GBP6: variants seen among roughly 807,000 people sequenced by gnomAD.
The protein encoded by GBP6 is guanylate-binding protein 6.
Under a neutral mutation model 61.5 loss-of-function variants are expected in GBP6, and 54 were observed. The observed-to-expected ratio is 0.88, with a 90% confidence interval of 0.71 to 1.10. The LOEUF (loss-of-function observed/expected upper bound fraction) is 1.10. Ranked by LOEUF, GBP6 falls within the 50% of genes least tolerant of loss-of-function variation. The pLI is 0.00. For synonymous variants in GBP6, 255 were observed against 273.7 expected (o/e 0.93, Z 0.67); for missense variants, 748 against 752.8 (o/e 0.99, Z 0.07).
Position 89,381,901 on chromosome 1 carries a change from A to G in GBP6, c.1079A>G (p.Glu360Gly). Reference protein sequence around the residue: ...QELLDMHAACEREAIAIFMEH... With the variant: ...QELLDMHAACGREAIAIFMEH... ...CTGCTGGACATGCATGCGGCCTGTG[A>G]GAGGGAAGCCATTGCAATCTTCATG... Residue 360 changes from glutamate (E) to glycine (G), a missense_variant, in exon 7 of 11, where the codon GAG (glutamate) becomes GGG (glycine). Glu to Gly is a moderately conservative substitution (Grantham distance 98). Transcript: ENST00000370456. The G allele has an allele frequency of 1.2e-6, 2 of 1,614,156 alleles. No homozygotes were observed. Among genetic ancestry groups the G allele is most frequent in the Non-Finnish European group, 1.7e-6 (2 of 1,180,000 alleles).
rs1653128272 is a variant in GBP6 at position 89,385,847 on chromosome 1, T to C, written c.*378T>C. On this transcript the variant is annotated 3_prime_UTR_variant, in exon 11 of 11. Coordinates refer to ENST00000370456, the MANE Select transcript of GBP6 (RefSeq NM_198460.3). ...CATGCCCAGCCCTCATTTAGCAAAG[T>C]TTTAAACATAAAAAGTGCTTATTAG... is the stretch of plus-strand genomic sequence containing the variant. 6.0e-6 allele frequency: 1 copy of C among 167,442 alleles called. No homozygotes were observed. Among genetic ancestry groups the C allele is most frequent in the Non-Finnish European group, 1.3e-5 (1 of 77,362 alleles). The allele number at this position is 167,442 out of a possible 1,614,324, so 10.4% of individuals were successfully genotyped here.
rs749404900 is a variant in GBP6 at position 89,385,438 on chromosome 1, C to A, written c.1871C>A (p.Ser624Ter). The change falls in exon 11 of 11, where the codon TCA (serine) becomes TAA (stop). Residue 624 changes from serine to a stop codon, truncating the protein, a stop_gained. Transcript: ENST00000370456. LOFTEE classifies it low-confidence loss of function (END_TRUNC). ...GGTCATGGTGTCAAAGGTGTGAGCT[C>A]ACTCTTTAAAAAGCATAAGCTCCCC... ...LIGHGVKGVS[S>*]LFKKHKLPF is the part of the protein sequence containing the mutation. The A allele has an allele frequency of 6.2e-7, 1 of 1,613,870 alleles. No individual in the cohort carries two copies. Among genetic ancestry groups the A allele is most frequent in the South Asian group, 1.1e-5 (1 of 91,056 alleles).
rs1430178183 is a variant in GBP6, at chr1:89,386,547, A to G, written c.*1078A>G. 6.6e-6 allele frequency: 1 copy of G among 152,194 alleles called. No homozygotes were observed. Among genetic ancestry groups the G allele is most frequent in the African/African-American group, 2.4e-5 (1 of 41,444 alleles). The allele number at this position is 152,194 out of a possible 1,614,324, so 9.4% of individuals were successfully genotyped here. ...GACTAAGATCTGAGTACTAGAATGC[A>G]AAAAATTTGCATCATATTCTTGTTT... On this transcript the variant is annotated 3_prime_UTR_variant, in exon 11 of 11. Coordinates refer to ENST00000370456, the MANE Select transcript of GBP6 (RefSeq NM_198460.3).
At chr1:89,367,759 C>T (rs1652504626) in intron 1 of GBP6, among the ~76,000 whole-genome samples, 1 of 152,072 alleles carries the variant, frequency 6.6e-6, no homozygotes, top group Admixed American at 6.5e-5. Context: ...GTAGGCAGAA[C>T]AGAAACCAGA....
chr1:89,381,595 C>G, intron 6 of GBP6, 99 bp from the exon 7 acceptor site: 1 of 1,189,700 alleles, frequency 8.4e-7, no homozygotes, highest in South Asian at 1.5e-5. Context: ...TGTGTGCACG[C>G]GCGTGTATGT....
chr1:89,385,321 CA>C lies in GBP6; in HGVS notation c.1760del (p.Asn587MetfsTer18), dbSNP rs1557544730. 2 of 1,613,994 alleles carry C rather than the reference CA, an allele frequency of 1.2e-6. No homozygotes were observed. Among genetic ancestry groups the C allele is most frequent in the East Asian group, 2.2e-5 (1 of 44,874 alleles). On this transcript the variant is annotated frameshift_variant, in exon 11 of 11. Coordinates refer to ENST00000370456, the MANE Select transcript of GBP6 (RefSeq NM_198460.3). LOFTEE classifies it low-confidence loss of function (END_TRUNC). ...ISQFKRMIDT[T>X]KNDDTPWIAR... ...CAATTTAAACGTATGATTGATACTA[CA>C]AAAAATGATGATACTCCCTGGATTG...
intron 2 of GBP6, 75 bp from the exon 3 acceptor site, chr1:89,369,471 A>G: frequency 2.6e-6 from 4 of 1,517,272 alleles, no homozygotes; most frequent in Non-Finnish European, 3.5e-6. Flanking sequence ...CAATCCAACC[A>G]GTCTGATGCT....
chr1:89,385,179 A>G, intron 10 of GBP6, 51 bp from the exon 11 acceptor site: 1 of 1,523,506 alleles, frequency 6.6e-7, no homozygotes, highest in African/African-American at 1.4e-5. Flanking sequence ...TGTAAGTCTT[A>G]AAAGAATAGG....
At chr1:89,369,241 A>C (rs1652551587) in intron 2 of GBP6, among the ~76,000 whole-genome samples, 1 of 150,876 alleles carries the variant, frequency 6.6e-6, no homozygotes, top group Non-Finnish European at 1.5e-5. Context: ...TCTTCAACCC[A>C]CTCTTCTCTG....
chr1:89,387,425 A>G lies in GBP6; in HGVS notation c.*1956A>G, dbSNP rs888203139. Among the ~76,000 whole-genome samples the G allele has an allele frequency of 6.6e-6, 1 of 152,188 alleles. No homozygotes were observed. Among genetic ancestry groups the G allele is most frequent in the Non-Finnish European group, 1.5e-5 (1 of 68,026 alleles). ...TAGTATTTGTTTGAAATGTAAAGGT[A>G]AAGTTTGTTTGAAGACAGATACCTT... On this transcript the variant is annotated 3_prime_UTR_variant, in exon 11 of 11. Transcript: ENST00000370456.
At position 89,381,823 on chromosome 1, in the gene GBP6, A is replaced by G; in HGVS notation, c.1001A>G (p.Tyr334Cys). The G allele has an allele frequency of 6.2e-7, 1 of 1,614,110 alleles. No homozygotes were observed. Among genetic ancestry groups the G allele is most frequent in the Non-Finnish European group, 8.5e-7 (1 of 1,179,990 alleles). ...SAAVQRAADYYSQQMAQRVKL... is the reference protein window; with the variant it reads ...SAAVQRAADYCSQQMAQRVKL... The stretch of plus-strand genomic sequence containing the variant: ...GCCGTGCAGAGGGCAGCTGACTACT[A>G]CAGCCAGCAGATGGCCCAGCGAGTG... The change falls in exon 7 of 11, where the codon TAC becomes TGC. Residue 334 changes from tyrosine to cysteine, a missense_variant. Coordinates refer to ENST00000370456, the MANE Select transcript of GBP6 (RefSeq NM_198460.3).
Position 89,378,574 on chromosome 1 carries a change from G to A in GBP6, c.586G>A (p.Glu196Lys). Residue 196 changes from glutamate (E) to lysine (K), a missense_variant, in exon 5 of 11, where the codon GAA becomes AAA. Glu to Lys is a moderately conservative substitution (Grantham distance 56). Transcript: ENST00000370456. ...GAAGTTGAACGGTCACCCTATCACAGAAGATGAATACCTGGAGAATGCCTT... is the reference window on the plus strand; with the variant it reads ...GAAGTTGAACGGTCACCCTATCACAAAAGATGAATACCTGGAGAATGCCTT... Reference protein sequence around the residue: ...ELKLNGHPITEDEYLENALKL... With the variant: ...ELKLNGHPITKDEYLENALKL... The A allele has an allele frequency of 6.2e-7, 1 of 1,613,662 alleles. No homozygotes were observed. Among genetic ancestry groups the A allele is most frequent in the South Asian group, 1.1e-5 (1 of 90,962 alleles).
intron 10 of GBP6, 87 bp from the exon 11 acceptor site, chr1:89,385,143 G>A (rs536014899): frequency 8.1e-7 from 1 of 1,236,596 alleles, no homozygotes; most frequent in East Asian, 2.4e-5. Flanking sequence ...GTAAAATAAA[G>A]TTTCACACAG....
At chr1:89,370,813 A>G (rs1378367120) in intron 3 of GBP6, among the ~76,000 whole-genome samples, 1 of 152,086 alleles carries the variant, frequency 6.6e-6, no homozygotes, top group African/African-American at 2.4e-5. Flanking sequence ...TCTTTTTTCT[A>G]TGCTCTCTTT....
At position 89,385,284 on chromosome 1, in the gene GBP6, G is replaced by A. The variant is rs76159539; in HGVS notation, c.1717G>A (p.Ala573Thr). 5,670 of 1,613,732 alleles carry A rather than the reference G, an allele frequency of 3.5e-3. 184 individuals carry two copies. In the African/African-American group the frequency reaches 0.066, roughly 19 times the overall value. Residue 573 changes from alanine to threonine, a missense_variant, in exon 11 of 11, where the codon GCA (alanine) becomes ACA (threonine). Transcript: ENST00000370456. ...TAAGAAGAAGTATGAGGAGATGAAT[G>A]CAGAGATAAGTCAATTTAAACGTAT... ...GFKKKYEEMN[A>T]EISQFKRMID...
At position 89,387,703 on chromosome 1, in the gene GBP6, C is replaced by A. The variant is rs568340203; in HGVS notation, c.*2234C>A. Among the ~76,000 whole-genome samples the A allele has an allele frequency of 2.0e-5, 3 of 152,322 alleles. No homozygotes were observed. Among genetic ancestry groups the A allele is most frequent in the African/African-American group, 7.2e-5 (3 of 41,566 alleles). ...ATCTCAGCAACTTGGGAGGCCGAAG[C>A]AGGCAGATCACTTGAGGTCAGAAGT... On this transcript the variant is annotated 3_prime_UTR_variant, in exon 11 of 11. Coordinates refer to ENST00000370456, the MANE Select transcript of GBP6 (RefSeq NM_198460.3).
chr1:89,372,886 A>C (rs948727551), intron 3 of GBP6, among the ~76,000 whole-genome samples: 3 of 152,234 alleles, frequency 2.0e-5, no homozygotes, highest in East Asian at 3.8e-4. Flanking sequence ...CAACCTACAG[A>C]ATGGGAGAAA....
chr1:89,383,977 G>A, intron 9 of GBP6, 116 bp from the exon 10 acceptor site: 1 of 1,099,848 alleles, frequency 9.1e-7, no homozygotes, highest in Non-Finnish European at 1.3e-6. Flanking sequence ...GTGGACCTGG[G>A]TGAATTCTGT....
In GBP6 at chr1:89,381,768, A is replaced by G. The variant is rs1652985460; in HGVS notation, c.946A>G (p.Ile316Val). Residue 316 changes from isoleucine to valine, a missense_variant, in exon 7 of 11, where the codon ATA becomes GTA. Ile to Val is a conservative substitution (Grantham distance 29). Coordinates refer to ENST00000370456, the MANE Select transcript of GBP6 (RefSeq NM_198460.3). ...GAVPCLENAV[I>V]TLAQRENSAA... The stretch of plus-strand genomic sequence containing the variant: ...AGTGCCTTGTCTGGAGAATGCAGTG[A>G]TAACTCTGGCCCAGCGTGAGAACTC... 6.2e-7 allele frequency: 1 copy of G among 1,614,160 alleles called. No homozygotes were observed. Among genetic ancestry groups the G allele is most frequent in the African/African-American group, 1.3e-5 (1 of 75,036 alleles).
Sources: gnomAD v4.1 joint callset for allele counts (sites outside exome capture counted in the v4.1 genomes callset) on GRCh38, gnomAD v4.1.1 for gene constraint, MANE v1.5 for transcripts, NCBI Gene and HGNC (gene_info 2026-07-23, HGNC 2026-07-21) for gene names.